EHBP1: variants seen among roughly 807,000 people sequenced by gnomAD.
The protein encoded by EHBP1 is EH domain binding protein 1, also known as EH domain-binding protein 1.
Under a neutral mutation model 144.0 loss-of-function variants are expected in EHBP1, and 55 were observed. That is an observed-to-expected ratio of 0.38 (90% CI 0.31 to 0.48). The LOEUF is 0.48. EHBP1 is among the 20% of genes least tolerant of loss of function. EHBP1 has a pLI of 0.98. For missense variants in EHBP1, 1,200 were observed against 1,364.2 expected (o/e 0.88, Z 1.90); for synonymous variants, 469 against 472.7 (o/e 0.99, Z 0.10).
chr2:62,764,226 C>G, intron 3 of EHBP1, 40 bp from the exon 4 acceptor site: 1 of 1,360,572 alleles, frequency 7.3e-7, no homozygotes, highest in South Asian at 1.4e-5. Flanking sequence ...CATTGCATTT[C>G]CCATACTTCA....
intron 10 of EHBP1, among the ~76,000 whole-genome samples, chr2:62,894,111 C>T (rs1057004978): frequency 6.6e-6 from 1 of 151,590 alleles, no homozygotes; most frequent in Non-Finnish European, 1.5e-5. Context: ...TGTGCTGCTT[C>T]ATGCATTCAA....
At chr2:62,712,011 G>A (rs115790133) in intron 2 of EHBP1, among the ~76,000 whole-genome samples, 152 of 152,266 alleles carry the variant, frequency 1.0e-3, no homozygotes, top group African/African-American at 3.4e-3. Flanking sequence ...AGAGAGACAA[G>A]GGTTCAAGGT....
chr2:62,904,783 T>C (rs2053669482), intron 10 of EHBP1, among the ~76,000 whole-genome samples: 1 of 152,138 alleles, frequency 6.6e-6, no homozygotes, highest in South Asian at 2.1e-4. Context: ...TTGTTTTTGT[T>C]TTTTCTTTTT....
intron 10 of EHBP1, among the ~76,000 whole-genome samples, chr2:62,879,369 T>G (rs1394425783): frequency 6.6e-6 from 1 of 152,132 alleles, no homozygotes; most frequent in African/African-American, 2.4e-5. Context: ...TGACATGATC[T>G]TGTATTGAGA....
In EHBP1 at chr2:62,707,028, C is replaced by T; in HGVS notation, c.-164C>T. ...GGCCATTCATCTAAGATGGGATTTACCCTGTGAAACAGGGAGAAGACTTAT... is the reference window on the plus strand; with the variant it reads ...GGCCATTCATCTAAGATGGGATTTATCCTGTGAAACAGGGAGAAGACTTAT... On this transcript the variant is annotated 5_prime_UTR_variant, in exon 2 of 23. Coordinates refer to ENST00000431489, the MANE Select transcript of EHBP1 (RefSeq NM_001142616.3). The T allele has an allele frequency of 1.7e-6, 1 of 593,330 alleles. No individual in the cohort carries two copies. The highest frequency in any genetic ancestry group is 1.9e-5 in the South Asian group (1 of 52,644). The allele number at this position is 593,330 out of a possible 1,614,324, so 36.8% of individuals were successfully genotyped here. A position where few individuals can be genotyped will look rare whatever the true frequency, so the allele number is the denominator to read the frequency against.
At chr2:62,867,688 A>T (rs985742848) in intron 9 of EHBP1, among the ~76,000 whole-genome samples, 8 of 152,176 alleles carry the variant, frequency 5.3e-5, no homozygotes, top group Non-Finnish European at 1.0e-4. Flanking sequence ...CATGCTTTTT[A>T]AAAAAATAAT....
intron 1 of EHBP1, among the ~76,000 whole-genome samples, chr2:62,680,511 A>AG (rs1363214682): frequency 6.6e-6 from 1 of 151,664 alleles, no homozygotes; most frequent in Non-Finnish European, 1.5e-5. Context: ...TGAAGGGGGG[A>AG]GGGGGGAAAA....
intron 8 of EHBP1, among the ~76,000 whole-genome samples, chr2:62,861,369 C>T (rs560914859): frequency 3.3e-5 from 5 of 151,240 alleles, no homozygotes; most frequent in East Asian, 4.0e-4. Flanking sequence ...ACCTTGTAAT[C>T]GGCCCACCTT....
chr2:62,921,777 C>G (rs1007805226), intron 10 of EHBP1, among the ~76,000 whole-genome samples: 34 of 152,216 alleles, frequency 2.2e-4, no homozygotes, highest in Admixed American at 2.2e-3. Flanking sequence ...ATTATCTACT[C>G]TTGACCAGAA....
In EHBP1 at chr2:62,889,893, G is replaced by T. The variant is rs373644040; in HGVS notation, c.1185+15361G>T. On this transcript the variant is annotated intron_variant, in intron 10 of 22. Transcript: ENST00000431489. ...GAAGTTGGGTAGTATGATGCCTCTA[G>T]CTTTGTTCTTTTTGCTTAGGATTGC... Among the ~76,000 whole-genome samples, 6 of 151,416 alleles carry T rather than the reference G, an allele frequency of 4.0e-5. No homozygotes were observed. The East Asian group carries it at 5.8e-4, about 15-fold the overall frequency.
chr2:62,750,922 A>G (rs549522740), intron 3 of EHBP1, among the ~76,000 whole-genome samples: 1 of 152,190 alleles, frequency 6.6e-6, no homozygotes, highest in Non-Finnish European at 1.5e-5. Context: ...CAATCATGTC[A>G]TCTGCAAACA....
chr2:63,038,733 A>C lies in EHBP1; in HGVS notation c.3204-10A>C, dbSNP rs2061543600. The C allele has an allele frequency of 1.2e-6, 2 of 1,612,862 alleles. No homozygotes were observed. Among genetic ancestry groups the C allele is most frequent in the East Asian group, 2.2e-5 (1 of 44,850 alleles). ...ATTAGCATATTGATGAACTTTTGCA[A>C]CTTGCCCAGGGAAAAAGAACATGAT... On this transcript the variant is annotated splice_polypyrimidine_tract_variant and intron_variant, in intron 20 of 22. Coordinates refer to ENST00000431489, the MANE Select transcript of EHBP1 (RefSeq NM_001142616.3).
chr2:62,935,196 G>C (rs2056284625), intron 10 of EHBP1, among the ~76,000 whole-genome samples: 1 of 151,634 alleles, frequency 6.6e-6, no homozygotes, highest in Admixed American at 6.6e-5. Context: ...GCGTGTGGTG[G>C]CGTGCACCTA....
At chr2:62,848,075 CT>C (rs565685912) in intron 7 of EHBP1, among the ~76,000 whole-genome samples, 356 of 132,304 alleles carry the variant, frequency 2.7e-3, no homozygotes, top group East Asian at 0.021. Flanking sequence ...TAATGAGTGT[CT>C]TTTTTTTTTT....
chr2:62,990,265 A>C (rs987682815), intron 15 of EHBP1, among the ~76,000 whole-genome samples: 2 of 152,154 alleles, frequency 1.3e-5, no homozygotes, highest in Non-Finnish European at 2.9e-5. Context: ...TGATGATCTG[A>C]GATAATGTTA....
rs539912433 is a variant in EHBP1 at position 63,045,244 on chromosome 2, A to G, written c.3392+64A>G. The G allele has an allele frequency of 2.3e-5, 35 of 1,490,168 alleles. 1 individual carries two copies. In the South Asian group the frequency reaches 3.7e-4, roughly 16 times the overall value. 92.3% of individuals were successfully genotyped at this position (1,490,168 alleles called of 1,614,324 possible). On this transcript the variant is annotated intron_variant, in intron 22 of 22. Coordinates refer to ENST00000431489, the MANE Select transcript of EHBP1 (RefSeq NM_001142616.3). The surrounding 1 kb of genome is among the most constrained non-coding windows in gnomAD (Gnocchi z 5.7). ...TGCCGAGGGGCCGAGAAGTGTGCGG[A>G]AAGTTCAATCCAGAGGTCGCGGGAG...
At chr2:62,814,117 G>A (rs1022189348) in intron 5 of EHBP1, among the ~76,000 whole-genome samples, 1 of 152,244 alleles carries the variant, frequency 6.6e-6, no homozygotes, top group Admixed American at 6.5e-5. Context: ...CAAAGTTCCT[G>A]TGTTGGAAAA....
chr2:62,813,532 G>A (rs7608921), intron 5 of EHBP1, among the ~76,000 whole-genome samples: 152,268 of 152,272 alleles, frequency 1, 76,132 homozygotes, highest in Non-Finnish European at 1. Context: ...GAGATACGCC[G>A]AAACTGTGAG....
chr2:62,699,049 C>T (rs2034195367), intron 1 of EHBP1, among the ~76,000 whole-genome samples: 1 of 152,148 alleles, frequency 6.6e-6, no homozygotes, highest in Non-Finnish European at 1.5e-5. Flanking sequence ...GGTTTTACAC[C>T]ACAAGGGTTG....
Sources: allele counts gnomAD v4.1 joint callset (sites outside exome capture counted in the v4.1 genomes callset), GRCh38; gene constraint gnomAD v4.1.1; non-coding constraint Gnocchi (gnomAD v3.1); transcripts MANE v1.5; gene names NCBI Gene and HGNC (gene_info 2026-07-23, HGNC 2026-07-21).